The following SLC8A1 variants were observed in gnomAD, a reference collection of about 807,000 sequenced individuals.
SLC8A1 encodes the protein sodium/calcium exchanger 1.
In SLC8A1, 18 loss-of-function variants were observed where a neutral mutation model predicts 68.3. That is an observed-to-expected ratio of 0.26 (90% CI 0.18 to 0.39). The LOEUF is 0.39. Among genes scored for constraint, SLC8A1 ranks in the 10% least tolerant of loss-of-function variants. The probability of loss-of-function intolerance (pLI) is 1.00; values close to 1 mark genes in which losing one functional copy is unlikely to be tolerated. For missense variants in SLC8A1, 985 were observed against 1,156.7 expected (o/e 0.85, Z 2.15); for synonymous variants, 475 against 415.5 (o/e 1.14, Z -1.74).
chr2:40,314,491 T>C (rs2074176919), intron 2 of SLC8A1, among the ~76,000 whole-genome samples: 1 of 151,998 alleles, frequency 6.6e-6, no homozygotes, highest in South Asian at 2.1e-4. Flanking sequence ...TCCTCTGTAT[T>C]TATACATGAA....
chr2:40,163,406 A>G (rs1311582085), intron 5 of SLC8A1, among the ~76,000 whole-genome samples: 1 of 152,198 alleles, frequency 6.6e-6, no homozygotes, highest in Non-Finnish European at 1.5e-5. Context: ...CTTCAGGAAT[A>G]CCAACCCATA....
intron 2 of SLC8A1, among the ~76,000 whole-genome samples, chr2:40,279,341 C>A (rs1165590335): frequency 6.6e-6 from 1 of 152,166 alleles, no homozygotes; most frequent in Non-Finnish European, 1.5e-5. Context: ...ATCTATAATA[C>A]AGATTTTTGA....
At chr2:40,305,360 G>C (rs1409896050) in intron 2 of SLC8A1, among the ~76,000 whole-genome samples, 2 of 152,158 alleles carry the variant, frequency 1.3e-5, no homozygotes, top group Non-Finnish European at 2.9e-5. Context: ...AGGTTATTTA[G>C]CAGCATCCCT....
At chr2:40,232,184 G>T (rs566777093) in intron 2 of SLC8A1, among the ~76,000 whole-genome samples, 1 of 152,022 alleles carries the variant, frequency 6.6e-6, no homozygotes, top group Non-Finnish European at 1.5e-5. Context: ...AACCTTAGGA[G>T]ACCCTGAACA....
intron 2 of SLC8A1, among the ~76,000 whole-genome samples, chr2:40,373,215 T>C (rs924609352): frequency 8.5e-5 from 13 of 152,220 alleles, no homozygotes; most frequent in Admixed American, 5.2e-4. Context: ...TGAATGTCAA[T>C]TGCAAAATTA....
At chr2:40,309,609 GA>G (rs2073313391) in intron 2 of SLC8A1, among the ~76,000 whole-genome samples, 1 of 150,388 alleles carries the variant, frequency 6.6e-6, no homozygotes, top group South Asian at 2.1e-4. Context: ...AGGTTCAAGA[GA>G]TTCTCCTGCC....
intron 6 of SLC8A1, among the ~76,000 whole-genome samples, chr2:40,156,880 G>A (rs138932586): frequency 1.1e-3 from 164 of 152,206 alleles, no homozygotes; most frequent in Middle Eastern, 3.4e-3. Flanking sequence ...CTGTGTATAC[G>A]TGTGTTCTAC....
At chr2:40,482,711 T>A in intron 1 of SLC8A1, among the ~76,000 whole-genome samples, 1 of 152,114 alleles carries the variant, frequency 6.6e-6, no homozygotes, top group East Asian at 1.9e-4. Context: ...GTAATGCCAC[T>A]TATAGACACT....
At chr2:40,410,255 A>C (rs1342651816) in intron 2 of SLC8A1, among the ~76,000 whole-genome samples, 1 of 152,088 alleles carries the variant, frequency 6.6e-6, no homozygotes, top group Non-Finnish European at 1.5e-5. Context: ...CAGAACAATA[A>C]ATTATCCTGA....
At chr2:40,285,213 T>C (rs1251840160) in intron 2 of SLC8A1, among the ~76,000 whole-genome samples, 1 of 152,056 alleles carries the variant, frequency 6.6e-6, no homozygotes, top group Non-Finnish European at 1.5e-5. Context: ...ACAGACAAAG[T>C]GGGATTTTTA....
chr2:40,207,839 G>T (rs1242697360), intron 2 of SLC8A1, among the ~76,000 whole-genome samples: 2 of 151,940 alleles, frequency 1.3e-5, no homozygotes. Flanking sequence ...ACCCTTTGGG[G>T]CTCCCACCAG....
intron 2 of SLC8A1, among the ~76,000 whole-genome samples, chr2:40,179,834 A>C (rs76083551): frequency 6.6e-6 from 1 of 152,168 alleles, no homozygotes; most frequent in Non-Finnish European, 1.5e-5. Context: ...GATGCTTTTA[A>C]TTCTCTGAAT....
chr2:40,508,948 C>T (rs1054388642), intron 1 of SLC8A1, among the ~76,000 whole-genome samples: 1 of 151,874 alleles, frequency 6.6e-6, no homozygotes, highest in Non-Finnish European at 1.5e-5. Flanking sequence ...CATCACCTAC[C>T]CTACGTGATT....
chr2:40,429,051 G>C, exon 2 of SLC8A1: 1 of 1,612,188 alleles, frequency 6.2e-7, no homozygotes, highest in African/African-American at 1.3e-5. Flanking sequence ...CTTGTTCAAA[G>C]AAGATCTTAC....
intron 2 of SLC8A1, among the ~76,000 whole-genome samples, chr2:40,256,600 C>G (rs1022677303): frequency 2.0e-5 from 3 of 152,114 alleles, no homozygotes; most frequent in Non-Finnish European, 2.9e-5. Context: ...CATTATTGCT[C>G]CATAATAATG....
At chr2:40,395,435 G>C (rs1436123183) in intron 2 of SLC8A1, among the ~76,000 whole-genome samples, 1 of 152,028 alleles carries the variant, frequency 6.6e-6, no homozygotes, top group Admixed American at 6.6e-5. Flanking sequence ...TTTTATCACT[G>C]GCACTCTTAG....
At chr2:40,213,935 C>T (rs1437756999) in intron 2 of SLC8A1, among the ~76,000 whole-genome samples, 1 of 152,130 alleles carries the variant, frequency 6.6e-6, no homozygotes, top group Middle Eastern at 3.2e-3. Context: ...AAAACAGTAA[C>T]CACACCACCT....
At chr2:40,482,096 T>C (rs1704666068) in intron 1 of SLC8A1, among the ~76,000 whole-genome samples, 1 of 152,330 alleles carries the variant, frequency 6.6e-6, no homozygotes, top group East Asian at 1.9e-4. Flanking sequence ...GTGGTAAGAA[T>C]GCTTAATATG....
chr2:40,452,463 C>T (rs1457670680), upstream of SLC8A1, among the ~76,000 whole-genome samples: 1 of 152,146 alleles, frequency 6.6e-6, no homozygotes, highest in Non-Finnish European at 1.5e-5. Context: ...GCACCCAGCC[C>T]ATCGATGACA....
Sources: allele counts gnomAD v4.1 joint callset (sites outside exome capture counted in the v4.1 genomes callset), GRCh38; gene constraint gnomAD v4.1.1; transcripts MANE v1.5; gene names NCBI Gene and HGNC (gene_info 2026-07-23, HGNC 2026-07-21).